LBP: variants seen among roughly 807,000 people sequenced by gnomAD.
LBP encodes lipopolysaccharide-binding protein.
In LBP, 53 loss-of-function variants were observed where a neutral mutation model predicts 56.6. The observed-to-expected ratio is 0.94, with a 90% CI of 0.75 to 1.18. LBP has a LOEUF of 1.18. Among genes scored for constraint, LBP ranks in the 50% most tolerant of loss-of-function variants. The probability of loss-of-function intolerance (pLI) is 0.00; values close to 1 mark genes in which losing one functional copy is unlikely to be tolerated. For missense variants in LBP, 601 were observed against 598.3 expected, an observed-to-expected ratio of 1.00 and a Z score of -0.05; for synonymous variants, 227 against 247.5, an observed-to-expected ratio of 0.92 and a Z score of 0.78.
intron 5 of LBP, among the ~76,000 whole-genome samples, chr20:38,355,693 T>C (rs537666161): frequency 1.3e-5 from 2 of 152,246 alleles, no homozygotes; most frequent in South Asian, 4.1e-4. Flanking sequence ...CTGCTCCACC[T>C]TGCTCAGTGC....
Position 38,373,103 on chromosome 20 carries a change from A to G in LBP, c.1292A>G (p.Tyr431Cys). 1 of 1,614,020 alleles carries G rather than the reference A, an allele frequency of 6.2e-7. No homozygotes were observed. Among genetic ancestry groups the G allele is most frequent in the South Asian group, 1.1e-5 (1 of 91,076 alleles). ...CTGTTGGAAGCGCTCCTCAACTATT[A>G]CATCCTTAACACCTTCTACCCCAAG... ...AELLEALLNY[Y>C]ILNTFYPKFN... Residue 431 changes from tyrosine (Y) to cysteine (C), a missense_variant, in exon 13 of 15, where the codon TAC (tyrosine) becomes TGC (cysteine). Physicochemically the swap from Tyr to Cys is radical, Grantham distance 194. Coordinates refer to ENST00000217407, the MANE Select transcript of LBP (RefSeq NM_004139.5).
intron 5 of LBP, among the ~76,000 whole-genome samples, chr20:38,357,687 C>T (rs1308066417): frequency 2.0e-5 from 3 of 152,188 alleles, no homozygotes; most frequent in African/African-American, 7.2e-5. Flanking sequence ...GGCTACTCCA[C>T]AGGCTAAGCA....
rs1568835879 is a variant in LBP at position 38,370,718 on chromosome 20, CCTT to C, written c.1150-14_1150-12del. On this transcript the variant is annotated splice_polypyrimidine_tract_variant and intron_variant, in intron 10 of 14. Coordinates refer to ENST00000217407, the MANE Select transcript of LBP (RefSeq NM_004139.5). ...CAACCTTCATCACTTACACCTGCTTCCTTCTTCTGGCATTTCCAGGCCACTAAT... is the reference window on the plus strand; with the variant it reads ...CAACCTTCATCACTTACACCTGCTTCCTTCTGGCATTTCCAGGCCACTAAT... 2 of 1,610,670 alleles carry C rather than the reference CCTT, an allele frequency of 1.2e-6. No homozygotes were observed. Among genetic ancestry groups the C allele is most frequent in the African/African-American group, 1.3e-5 (1 of 74,974 alleles).
intron 5 of LBP, among the ~76,000 whole-genome samples, chr20:38,358,673 C>T (rs6123628): frequency 0.022 from 3,291 of 152,272 alleles, 123 homozygotes; most frequent in East Asian, 0.14. Flanking sequence ...CAGCCCCCAG[C>T]GTCACCCTTC....
At chr20:38,373,663 G>C (rs997639075) in intron 13 of LBP, among the ~76,000 whole-genome samples, 1 of 152,186 alleles carries the variant, frequency 6.6e-6, no homozygotes, top group Non-Finnish European at 1.5e-5. Flanking sequence ...ACAGCACCAT[G>C]CCTGATAGCT....
In LBP at chr20:38,364,025, G is replaced by T; in HGVS notation, c.703G>T (p.Ala235Ser). ...CGACATTGATTATAGCTTAGTGGAA[G>T]CCCCTCGGGCAACAGCCCAGATGCT... ...FADIDYSLVE[A>S]PRATAQMLEV... The change falls in exon 7 of 15, where the codon GCC (alanine) becomes TCC (serine). Residue 235 changes from alanine (A) to serine (S), a missense_variant. Transcript: ENST00000217407. 1 of 1,614,034 alleles carries T rather than the reference G, an allele frequency of 6.2e-7. No individual in the cohort carries two copies. Among genetic ancestry groups the T allele is most frequent in the East Asian group, 2.2e-5 (1 of 44,874 alleles).
In LBP at chr20:38,364,677, G is replaced by A. The variant is rs566117958; in HGVS notation, c.846G>A (p.Ser282=). 41 of 1,613,988 alleles carry A rather than the reference G, an allele frequency of 2.5e-5. No individual in the cohort carries two copies. The African/African-American group carries it at 2.7e-4, about 11-fold the overall frequency. ...ACAAAATGGTCTACTTTGCCATCTC[G>A]GATTATGTCTTCAACACGGCCAGCC... ...EHNKMVYFAI[S]DYVFNTASLV... Residue 282 remains serine (S), a synonymous_variant, in exon 8 of 15, where the codon TCG becomes TCA. Coordinates refer to ENST00000217407, the MANE Select transcript of LBP (RefSeq NM_004139.5).
At chr20:38,349,436 C>T in intron 1 of LBP, 112 bp from the exon 2 acceptor site, 1 of 743,260 alleles carries the variant, frequency 1.3e-6, no homozygotes, top group Non-Finnish European at 2.4e-6. Context: ...GTACTTAATG[C>T]TAATAAGGAT....
chr20:38,356,443 CA>C (rs1274261287), intron 5 of LBP, among the ~76,000 whole-genome samples: 5,111 of 148,430 alleles, frequency 0.034, 412 homozygotes, highest in African/African-American at 0.12. Flanking sequence ...CACACACACA[CA>C]CACACACACA....
intron 14 of LBP, among the ~76,000 whole-genome samples, chr20:38,375,285 A>G (rs1337962379): frequency 6.6e-6 from 1 of 151,858 alleles, no homozygotes; most frequent in Non-Finnish European, 1.5e-5. Context: ...TAAAACTTAA[A>G]ACAAATTTTT....
rs936979322 is a variant in LBP, at chr20:38,356,430, A to G, written c.588+1021A>G. ...ACACCACACACACGCGCACACACACACACACACACACACACACACACACAC... is the reference window on the plus strand; with the variant it reads ...ACACCACACACACGCGCACACACACGCACACACACACACACACACACACAC... On this transcript the variant is annotated intron_variant, in intron 5 of 14. Transcript: ENST00000217407. Among the ~76,000 whole-genome samples the G allele has an allele frequency of 2.0e-3, 173 of 87,318 alleles. 1 individual carries two copies. Among genetic ancestry groups the G allele is most frequent in the African/African-American group, 0.014 (145 of 10,390 alleles). The allele number at this position is 87,318 out of a possible 152,430, so 57.3% of individuals were successfully genotyped here. A position where few individuals can be genotyped will look rare whatever the true frequency, so the allele number is the denominator to read the frequency against.
In LBP at chr20:38,346,542, C is replaced by G; in HGVS notation, c.26C>G (p.Pro9Arg). ...ATGGGGGCCTTGGCCAGAGCCCTGC[C>G]GTCCATACTGCTGGCATTGCTGCTT... MGALARALPSILLALLLTS... is the reference protein window; with the variant it reads MGALARALRSILLALLLTS... Residue 9 changes from proline (P) to arginine (R), a missense_variant, in exon 1 of 15, where the codon CCG becomes CGG. Pro to Arg is a moderately radical substitution (Grantham distance 103). Transcript: ENST00000217407. 6.2e-7 allele frequency: 1 copy of G among 1,613,696 alleles called. No homozygotes were observed. The highest frequency in any genetic ancestry group is 2.2e-5 in the East Asian group (1 of 44,874).
chr20:38,373,271 C>T (rs939321704), intron 13 of LBP, 136 bp downstream of exon 13: 1 of 714,420 alleles, frequency 1.4e-6, no homozygotes, highest in Non-Finnish European at 2.4e-6. Flanking sequence ...AGCTTAGTGA[C>T]CTGCCTGTGA....
chr20:38,374,460 G>A (rs2076911063), intron 14 of LBP, among the ~76,000 whole-genome samples: 1 of 151,892 alleles, frequency 6.6e-6, no homozygotes, highest in Admixed American at 6.6e-5. Context: ...AGCTGGACAT[G>A]GTGGCAGGTG....
intron 6 of LBP, among the ~76,000 whole-genome samples, chr20:38,363,439 C>A (rs1738523871): frequency 6.6e-6 from 1 of 152,194 alleles, no homozygotes; most frequent in African/African-American, 2.4e-5. Flanking sequence ...ATCCAGGGTG[C>A]ACACATTAAG....
intron 9 of LBP, among the ~76,000 whole-genome samples, chr20:38,368,180 G>A (rs1288352392): frequency 3.3e-5 from 5 of 152,178 alleles, no homozygotes; most frequent in African/African-American, 1.2e-4. Context: ...ACTGGCATCT[G>A]ACCTCAGCAT....
intron 13 of LBP, 59 bp from the exon 14 acceptor site, chr20:38,373,878 T>C: frequency 6.8e-7 from 1 of 1,471,486 alleles, no homozygotes; most frequent in South Asian, 1.1e-5. Flanking sequence ...TCGGTAAAAA[T>C]CTGTCTCTAA....
chr20:38,349,706 G>A (rs2122593628), intron 2 of LBP, 44 bp downstream of exon 2: 3 of 1,359,532 alleles, frequency 2.2e-6, no homozygotes, highest in Admixed American at 4.0e-5. Flanking sequence ...GGCTGGAGCT[G>A]GCTGTCAGGG....
chr20:38,353,992 T>C (rs191772427), intron 3 of LBP, among the ~76,000 whole-genome samples: 1 of 152,260 alleles, frequency 6.6e-6, no homozygotes, highest in East Asian at 1.9e-4. Flanking sequence ...ACTTTACATA[T>C]GGCATTTTTT....
Sources: gnomAD v4.1 joint callset for allele counts (sites outside exome capture counted in the v4.1 genomes callset) on GRCh38, gnomAD v4.1.1 for gene constraint, MANE v1.5 for transcripts, NCBI Gene and HGNC (gene_info 2026-07-23, HGNC 2026-07-21) for gene names.